Variants in CCDC57 observed in about 807,000 individuals in gnomAD.
The protein encoded by CCDC57 is coiled-coil domain containing 57.
A neutral mutation model predicts 118.9 loss-of-function variants in CCDC57; 118 were observed. The ratio of observed to expected loss-of-function variants is 0.99; its 90% CI spans 0.86 to 1.16. CCDC57 has a LOEUF of 1.16. CCDC57 is among the 50% of genes most tolerant of loss of function. The probability of loss-of-function intolerance (pLI) is 0.00; values close to 1 mark genes in which losing one functional copy is unlikely to be tolerated. For synonymous variants in CCDC57, 527 were observed against 532.9 expected, an observed-to-expected ratio of 0.99 and a Z score of 0.15; for missense variants, 1,300 against 1,320.7, an observed-to-expected ratio of 0.98 and a Z score of 0.24.
At chr17:82,131,291 TC>T (rs1399364291) in intron 17 of CCDC57, among the ~76,000 whole-genome samples, 2 of 150,912 alleles carry the variant, frequency 1.3e-5, no homozygotes, top group Non-Finnish European at 3.0e-5. Context: ...ATTAACTGTG[TC>T]TGGTGGTGTG....
intron 15 of CCDC57, chr17:82,157,119 G>A (rs921235261): frequency 1.3e-5 from 2 of 153,388 alleles, no homozygotes; most frequent in Non-Finnish European, 2.9e-5. Context: ...CCTTAGGTAG[G>A]AAGAAGGGGG....
chr17:82,121,375 G>A (rs2036652558), intron 19 of CCDC57, among the ~76,000 whole-genome samples: 1 of 152,204 alleles, frequency 6.6e-6, no homozygotes, highest in African/African-American at 2.4e-5. Context: ...GTGCTACTGA[G>A]CTGCAGGCAG....
At chr17:82,179,757 A>G (rs1052397842) in intron 9 of CCDC57, among the ~76,000 whole-genome samples, 4 of 152,208 alleles carry the variant, frequency 2.6e-5, no homozygotes, top group African/African-American at 9.6e-5. Context: ...CCAAGGATGT[A>G]AAGGGGCAGG....
intron 19 of CCDC57, among the ~76,000 whole-genome samples, chr17:82,110,378 G>C (rs918511290): frequency 2.0e-5 from 3 of 152,232 alleles, no homozygotes; most frequent in African/African-American, 7.2e-5. Flanking sequence ...CTGACGGACA[G>C]AGCTGCAGGA....
intron 8 of CCDC57, 99 bp from the exon 8 acceptor site, chr17:82,184,031 G>GCGCGCACGCACACA: frequency 7.9e-6 from 1 of 125,852 alleles, no homozygotes; most frequent in Non-Finnish European, 1.6e-5. Flanking sequence ...GCGCGCGCGC[G>GCGCGCACGCACACA]CACACACACA....
At chr17:82,171,572 G>A in intron 13 of CCDC57, 129 bp downstream of exon 12, 1 of 934,518 alleles carries the variant, frequency 1.1e-6, no homozygotes, top group Non-Finnish European at 1.6e-6. Flanking sequence ...AGGGGCTGCT[G>A]GGCTGGATGA....
intron 19 of CCDC57, among the ~76,000 whole-genome samples, chr17:82,115,262 T>C (rs1358806650): frequency 4.4e-5 from 5 of 112,424 alleles, no homozygotes; most frequent in Non-Finnish European, 8.8e-5. Flanking sequence ...ATTCGGGCTG[T>C]CCGGGAAGAG....
chr17:82,151,154 G>A (rs1321026101), intron 16 of CCDC57, among the ~76,000 whole-genome samples: 1 of 72,478 alleles, frequency 1.4e-5, no homozygotes, highest in African/African-American at 4.9e-5. Context: ...CCCGCACCTA[G>A]AACCAGGCGC....
At chr17:82,135,115 T>G (rs2038964657) in intron 16 of CCDC57, 2 of 152,206 alleles carry the variant, frequency 1.3e-5, no homozygotes, top group African/African-American at 4.8e-5. Flanking sequence ...ACATTTTTTT[T>G]TTTGAGATGG....
intron 1 of CCDC57, among the ~76,000 whole-genome samples, chr17:82,208,430 T>C (rs1450713443): frequency 1.3e-5 from 2 of 151,894 alleles, no homozygotes; most frequent in East Asian, 2.0e-4. Context: ...CTAATTTTTG[T>C]ACTTTTAGTA....
exon 20 of CCDC57, chr17:82,101,862 G>A (rs763124452): frequency 3.2e-6 from 5 of 1,573,548 alleles, no homozygotes; most frequent in East Asian, 2.3e-5. Context: ...GAGGAGCTGG[G>A]AGCTCTGTCA....
chr17:82,160,661 G>T (rs917725971), intron 14 of CCDC57, among the ~76,000 whole-genome samples: 6 of 152,148 alleles, frequency 3.9e-5, no homozygotes, highest in African/African-American at 1.4e-4. Context: ...GATCACCTGA[G>T]GTGAGGAGTT....
intron 4 of CCDC57, among the ~76,000 whole-genome samples, chr17:82,197,057 G>C (rs1385514281): frequency 9.1e-6 from 1 of 110,376 alleles, no homozygotes; most frequent in Non-Finnish European, 1.8e-5. Flanking sequence ...GCAGCCCCTC[G>C]TGACTCCTGC....
chr17:82,167,825 A>AG (rs982040572), intron 13 of CCDC57, among the ~76,000 whole-genome samples: 2 of 152,212 alleles, frequency 1.3e-5, no homozygotes, highest in African/African-American at 4.8e-5. Context: ...CATGTTGGCC[A>AG]GGCTGGCCTT....
At chr17:82,120,738 T>G (rs1241883858) in intron 19 of CCDC57, among the ~76,000 whole-genome samples, 1 of 152,162 alleles carries the variant, frequency 6.6e-6, no homozygotes, top group Admixed American at 6.5e-5. Context: ...CATGGACTTA[T>G]GCTGAAACGT....
At position 82,169,234 on chromosome 17, in the gene CCDC57, C is replaced by T. The variant is rs560347797; in HGVS notation, c.1882+2467G>A. Among the ~76,000 whole-genome samples, 19 of 152,158 alleles carry T rather than the reference C, an allele frequency of 1.2e-4. 1 individual carries two copies. Among genetic ancestry groups the T allele is most frequent in the Non-Finnish European group, 2.2e-4 (15 of 68,040 alleles). ...CTCCGCCTCCTGGGTTCAAGTGATT[C>T]TCCTGCCTCAGCCTCCCAAGTGGCT... On this transcript the variant is annotated intron_variant, in intron 13 of 19. Transcript: ENST00000665763.
intron 8 of CCDC57, among the ~76,000 whole-genome samples, chr17:82,186,514 C>A (rs1156430184): frequency 6.6e-6 from 1 of 152,208 alleles, no homozygotes; most frequent in African/African-American, 2.4e-5. Context: ...CGTCTTCAAC[C>A]ACTCTGCTTG....
At chr17:82,168,277 G>A (rs1568339348) in intron 13 of CCDC57, among the ~76,000 whole-genome samples, 2 of 152,288 alleles carry the variant, frequency 1.3e-5, no homozygotes, top group Admixed American at 1.3e-4. Context: ...GCTGTGCATC[G>A]CTCTCTCTGT....
chr17:82,142,075 C>T (rs960866666), intron 16 of CCDC57, among the ~76,000 whole-genome samples: 4 of 152,198 alleles, frequency 2.6e-5, no homozygotes, highest in Non-Finnish European at 5.9e-5. Flanking sequence ...GAACTGGTTA[C>T]AGCATCTGTC....
Sources: allele counts gnomAD v4.1 joint callset (sites outside exome capture counted in the v4.1 genomes callset), GRCh38; gene constraint gnomAD v4.1.1; transcripts MANE v1.5; gene names NCBI Gene and HGNC (gene_info 2026-07-23, HGNC 2026-07-21).